RECQL: variants seen among roughly 807,000 people sequenced by gnomAD.
RECQL encodes ATP-dependent DNA helicase Q1.
A neutral mutation model predicts 75.8 loss-of-function variants in RECQL; 73 were observed. That is an observed-to-expected ratio of 0.96 (90% CI 0.80 to 1.17). RECQL has a LOEUF of 1.17. RECQL is among the 50% of genes most tolerant of loss of function. The pLI is 0.00. For synonymous variants in RECQL, 248 were observed against 254.4 expected, an observed-to-expected ratio of 0.97 and a Z score of 0.24; for missense variants, 699 against 772.1, an observed-to-expected ratio of 0.91 and a Z score of 1.12.
intron 2 of RECQL, among the ~76,000 whole-genome samples, chr12:21,495,261 C>T (rs2136769520): frequency 6.6e-6 from 1 of 152,318 alleles, no homozygotes. Context: ...CTTCCTACTA[C>T]TCTTCACCAG....
In RECQL at chr12:21,475,795, A is replaced by G. The variant is rs753349944; in HGVS notation, c.979T>C (p.Ser327Pro). Residue 327 changes from serine to proline, a missense_variant, in exon 9 of 15, where the codon TCT becomes CCT. Ser to Pro is a moderately conservative substitution (Grantham distance 74, BLOSUM62 -1). Transcript: ENST00000444129. ...TGCAAACTAACCGTAACTTGTTCAG[A>G]GTCTTTCTGAGAAAAACAATATATG... ...GIIYCFSQKD[S>P]EQVTVSLQNL... is the part of the protein sequence containing the mutation. 6.8e-6 allele frequency: 11 copies of G among 1,612,874 alleles called. No homozygotes were observed. In the South Asian group the frequency reaches 1.2e-4, roughly 18 times the overall value.
Position 21,474,854 on chromosome 12 carries a change from G to A in RECQL, c.1342C>T (p.Gln448Ter). 1 of 1,612,546 alleles carries A rather than the reference G, an allele frequency of 6.2e-7. No individual in the cohort carries two copies. Among genetic ancestry groups the A allele is most frequent in the Non-Finnish European group, 8.5e-7 (1 of 1,178,870 alleles). The change falls in exon 11 of 15, where the codon CAA becomes TAA. Residue 448 changes from glutamine to a stop codon, truncating the protein, a stop_gained. Transcript: ENST00000444129. LOFTEE classifies it high-confidence loss of function. ...TATGTGGCTTACTTGCTTATGTTTT[G>A]ACAGTATGATACCATCTCATAAAGC... Reference protein sequence around the residue: ...QKLYEMVSYCQNISKCRRVLM... With the variant: ...QKLYEMVSYC
intron 11 of RECQL, among the ~76,000 whole-genome samples, chr12:21,474,147 A>G (rs1025315693): frequency 2.6e-5 from 4 of 152,082 alleles, no homozygotes; most frequent in African/African-American, 9.7e-5. Flanking sequence ...AGTTTCTTAT[A>G]TTTTAATAAA....
At chr12:21,473,748 C>T (rs891293066) in intron 11 of RECQL, 106 bp from the exon 12 acceptor site, 3 of 831,886 alleles carry the variant, frequency 3.6e-6, no homozygotes, top group Non-Finnish European at 5.6e-6. Flanking sequence ...CCTATAACTG[C>T]CATAATATTA....
chr12:21,477,990 G>A, intron 6 of RECQL, 21 bp from the exon 7 acceptor site: 1 of 1,586,948 alleles, frequency 6.3e-7, no homozygotes, highest in Admixed American at 1.8e-5. Context: ...AAACAAAGTG[G>A]CCCTTTTTCT....
rs1454176722 is a variant in RECQL, at chr12:21,475,704, T to A, written c.1070A>T (p.His357Leu). The A allele has an allele frequency of 6.2e-7, 1 of 1,613,354 alleles. No homozygotes were observed. Among genetic ancestry groups the A allele is most frequent in the Non-Finnish European group, 8.5e-7 (1 of 1,179,524 alleles). ...AATTTCATTGGCTGACCATTTTCTA[T>A]GAACTGTGGTCTTATCTTCTGGCTC... is the stretch of plus-strand genomic sequence containing the variant. ...NLEPEDKTTV[H>L]RKWSANEIQV... The change falls in exon 9 of 15, where the codon CAT (histidine) becomes CTT (leucine). Residue 357 changes from histidine (H) to leucine (L), a missense_variant. By Grantham distance (99) the His-to-Leu change is moderately conservative. Coordinates refer to ENST00000444129, the MANE Select transcript of RECQL (RefSeq NM_002907.4).
chr12:21,471,200 G>A (rs2137313804), intron 13 of RECQL, 102 bp from the exon 14 acceptor site: 1 of 1,182,340 alleles, frequency 8.5e-7, no homozygotes, highest in South Asian at 1.7e-5. Flanking sequence ...TTAACACATT[G>A]ACTTGAAATA....
At chr12:21,473,236 G>C (rs765635090) in intron 12 of RECQL, among the ~76,000 whole-genome samples, 1 of 152,038 alleles carries the variant, frequency 6.6e-6, no homozygotes, top group Non-Finnish European at 1.5e-5. Flanking sequence ...TTTTGAGACG[G>C]AGTCTCGCTG....
intron 1 of RECQL, among the ~76,000 whole-genome samples, 154 bp from the exon 2 acceptor site, chr12:21,499,769 T>G (rs1420771160): frequency 6.6e-6 from 1 of 152,228 alleles, no homozygotes; most frequent in Non-Finnish European, 1.5e-5. Flanking sequence ...CACATGGTTC[T>G]TTTGACACTA....
intron 2 of RECQL, 37 bp downstream of exon 2, chr12:21,499,518 A>T (rs750766509): frequency 6.5e-7 from 1 of 1,530,986 alleles, no homozygotes; most frequent in Non-Finnish European, 8.9e-7. Flanking sequence ...CAGAAATAGA[A>T]CAGAAGGAAG....
chr12:21,479,334 G>A (rs1400899768), intron 6 of RECQL, among the ~76,000 whole-genome samples: 1 of 150,308 alleles, frequency 6.7e-6, no homozygotes, highest in Non-Finnish European at 1.5e-5. Flanking sequence ...TACAGGAAAT[G>A]AGGAATCATC....
intron 6 of RECQL, among the ~76,000 whole-genome samples, chr12:21,480,760 T>G (rs1346326922): frequency 6.6e-6 from 1 of 152,152 alleles, no homozygotes; most frequent in Non-Finnish European, 1.5e-5. Flanking sequence ...AGTTGGCACT[T>G]TTCTCAGCCT....
intron 4 of RECQL, among the ~76,000 whole-genome samples, chr12:21,489,058 C>G (rs1943359626): frequency 6.6e-6 from 1 of 152,234 alleles, no homozygotes; most frequent in Admixed American, 6.5e-5. Context: ...TTCCTCAGAA[C>G]AGCTTTCCCT....
At chr12:21,485,235 A>G (rs1943268487) in intron 5 of RECQL, among the ~76,000 whole-genome samples, 1 of 151,664 alleles carries the variant, frequency 6.6e-6, no homozygotes, top group Non-Finnish European at 1.5e-5. Flanking sequence ...AAGTTAAAGA[A>G]AAATTCCAAA....
intron 5 of RECQL, 70 bp from the exon 6 acceptor site, chr12:21,483,644 A>G: frequency 9.0e-7 from 1 of 1,116,146 alleles, no homozygotes; most frequent in South Asian, 1.5e-5. Flanking sequence ...TAGGTGGTAA[A>G]TGAAAACGTT....
At chr12:21,471,127 A>G in intron 13 of RECQL, 29 bp from the exon 14 acceptor site, 1 of 1,540,676 alleles carries the variant, frequency 6.5e-7, no homozygotes, top group South Asian at 1.3e-5. Context: ...AACAATAAGA[A>G]AGCTTTTGAA....
At position 21,492,156 on chromosome 12, in the gene RECQL, C is replaced by T. The variant is rs143767118; in HGVS notation, c.17-440G>A. ...ACTTTGAAGCAAAAGGAAGCTAATT[C>T]CCTAATTACTTTGCTATTACTTTAT... On this transcript the variant is annotated intron_variant, in intron 2 of 14. Transcript: ENST00000444129. Among the ~76,000 whole-genome samples the T allele has an allele frequency of 2.0e-3, 312 of 152,228 alleles. 1 individual carries two copies. The Middle Eastern group carries it at 0.034, about 17-fold the overall frequency.
intron 5 of RECQL, among the ~76,000 whole-genome samples, chr12:21,485,920 T>C (rs1484144332): frequency 1.3e-5 from 2 of 152,194 alleles, no homozygotes; most frequent in Non-Finnish European, 2.9e-5. Context: ...GGTAAGACAG[T>C]CCATTCCTAA....
rs772204801 is a variant in RECQL, at chr12:21,491,686, C to G, written c.47G>C (p.Ser16Thr). 4 of 1,613,298 alleles carry G rather than the reference C, an allele frequency of 2.5e-6. No homozygotes were observed. In the South Asian group the frequency reaches 4.4e-5, roughly 18 times the overall value. ...ALTEELDSIT[S>T]ELHAVEIQIQ... ...TTGAATTTCTACTGCATGTAGCTCACTGGTTATAGAATCCAGTTCCTCAGT... is the reference window on the plus strand; with the variant it reads ...TTGAATTTCTACTGCATGTAGCTCAGTGGTTATAGAATCCAGTTCCTCAGT... The change falls in exon 3 of 15, where the codon AGT (serine) becomes ACT (threonine). Residue 16 changes from serine (S) to threonine (T), a missense_variant. Coordinates refer to ENST00000444129, the MANE Select transcript of RECQL (RefSeq NM_002907.4).
Sources: gnomAD v4.1 joint callset for allele counts (sites outside exome capture counted in the v4.1 genomes callset) on GRCh38, gnomAD v4.1.1 for gene constraint, MANE v1.5 for transcripts, NCBI Gene and HGNC (gene_info 2026-07-23, HGNC 2026-07-21) for gene names.